ZNF112: variants seen among roughly 807,000 people sequenced by gnomAD.
ZNF112 encodes zinc finger protein 112, also known as zinc finger protein 112 (Y14).
In ZNF112, 37 loss-of-function variants were observed where a neutral mutation model predicts 77.7. The observed-to-expected ratio is 0.48, with a 90% confidence interval of 0.37 to 0.63. ZNF112 has a LOEUF of 0.63. ZNF112 is among the 20% of genes least tolerant of loss of function. The pLI, the probability that ZNF112 is intolerant of heterozygous loss-of-function variation, is 0.00. For synonymous variants in ZNF112, 333 were observed against 363.6 expected, an observed-to-expected ratio of 0.92 and a Z score of 0.96; for missense variants, 950 against 1,077.4, an observed-to-expected ratio of 0.88 and a Z score of 1.66.
At chr19:44,339,485 T>C (rs978419130) in intron 2 of ZNF112, among the ~76,000 whole-genome samples, 3 of 152,168 alleles carry the variant, frequency 2.0e-5, no homozygotes, top group African/African-American at 7.2e-5. Flanking sequence ...ACACCAAGGC[T>C]CAAATGAGCC....
intron 1 of ZNF112, chr19:44,343,312 C>T (rs1035632969): frequency 2.5e-6 from 4 of 1,594,898 alleles, no homozygotes; most frequent in African/African-American, 1.3e-5. Context: ...CCTGAGAAGG[C>T]AGAACAGGGT....
At chr19:44,334,492 C>A (rs1970328997) in intron 3 of ZNF112, among the ~76,000 whole-genome samples, 1 of 152,170 alleles carries the variant, frequency 6.6e-6, no homozygotes. Context: ...ATGTTAATAG[C>A]CAAGAAAATG....
Position 44,329,142 on chromosome 19 carries a change from G to T in ZNF112, c.1015C>A (p.Pro339Thr). 6.2e-7 allele frequency: 1 copy of T among 1,613,794 alleles called. No individual in the cohort carries two copies. Residue 339 changes from proline to threonine, a missense_variant, in exon 4 of 4, where the codon CCT (proline) becomes ACT (threonine). By Grantham distance (38) the Pro-to-Thr change is conservative. Transcript: ENST00000354340. The part of the protein sequence containing the change: ...EYGENFNHCS[P>T]LNTYELIHTG... ...TGGATAAGTTCATAAGTGTTAAGAG[G>T]GGAACAGTGATTGAAGTTCTCACCA...
In ZNF112 at chr19:44,328,757, C is replaced by A. The variant is rs774497486; in HGVS notation, c.1400G>T (p.Arg467Leu). Residue 467 changes from arginine (R) to leucine (L), a missense_variant, in exon 4 of 4, where the codon CGC becomes CTC. Around this residue, in one of 3 missense-constraint regions of ZNF112, gnomAD observed 560 missense variants for 557.3 expected, o/e 1.00. Transcript: ENST00000354340. ...GCTGAAGCTGTTACTACACACATAG[C>A]GTTTATATGGTTGTTCCTTAGTGTG... ...IVHTKEQPYKRYVCSNSFSHN... is the reference protein window; with the variant it reads ...IVHTKEQPYKLYVCSNSFSHN... 1 of 1,613,972 alleles carries A rather than the reference C, an allele frequency of 6.2e-7. No individual in the cohort carries two copies. The highest frequency in any genetic ancestry group is 2.2e-5 in the East Asian group (1 of 44,876).
upstream of ZNF112, among the ~76,000 whole-genome samples, chr19:44,360,168 A>C (rs1250600141): frequency 6.6e-6 from 1 of 151,784 alleles, no homozygotes; most frequent in Non-Finnish European, 1.5e-5. Context: ...AGGTGGGAGA[A>C]TCGCTTGAAC....
intron 1 of ZNF112, among the ~76,000 whole-genome samples, chr19:44,346,120 C>G (rs73555189): frequency 0.068 from 10,284 of 152,230 alleles, 451 homozygotes; most frequent in African/African-American, 0.12. Flanking sequence ...TTCGCTGAAG[C>G]CTCATTAGCT....
chr19:44,356,757 G>A (rs1429722085), upstream of ZNF112: 1 of 151,948 alleles, frequency 6.6e-6, no homozygotes, highest in Non-Finnish European at 1.5e-5. Flanking sequence ...CTCCTAGAGC[G>A]GAAGTTACCC....
At chr19:44,353,380 A>G (rs188065937) in intron 1 of ZNF112, among the ~76,000 whole-genome samples, 2 of 152,224 alleles carry the variant, frequency 1.3e-5, no homozygotes, top group African/African-American at 4.8e-5. Context: ...AAAAAAGATA[A>G]CATTGATAAA....
chr19:44,361,703 GGT>G (rs2123228479), intron 1 of ZNF112, among the ~76,000 whole-genome samples: 1 of 152,280 alleles, frequency 6.6e-6, no homozygotes, highest in Admixed American at 6.5e-5. Context: ...GATACAGTAT[GGT>G]TGATATAGGA....
intron 2 of ZNF112, among the ~76,000 whole-genome samples, chr19:44,337,255 C>T (rs1407027082): frequency 1.5e-5 from 2 of 137,308 alleles, no homozygotes; most frequent in African/African-American, 2.7e-5. Flanking sequence ...TTATATATTA[C>T]ATATATTTTT....
intron 1 of ZNF112, among the ~76,000 whole-genome samples, chr19:44,344,369 G>A (rs561364471): frequency 6.4e-4 from 97 of 152,218 alleles, no homozygotes; most frequent in African/African-American, 2.2e-3. Flanking sequence ...CTGTGGAAGA[G>A]AAAGAACTGA....
In ZNF112 at chr19:44,330,489, A is replaced by G. The variant is rs147275540; in HGVS notation, c.221-553T>C. On this transcript the variant is annotated intron_variant, in intron 3 of 3. Transcript: ENST00000354340. ...GGTGGCTCATGCCTGTAACCCTAGCACTTTGGGAGGCCAAGTCGGGTGGAT... is the reference window on the plus strand; with the variant it reads ...GGTGGCTCATGCCTGTAACCCTAGCGCTTTGGGAGGCCAAGTCGGGTGGAT... 2.1e-4 allele frequency among the ~76,000 whole-genome samples: 32 copies of G among 152,288 alleles called. No homozygotes were observed. The East Asian group carries it at 3.9e-3, about 18-fold the overall frequency.
upstream of ZNF112, among the ~76,000 whole-genome samples, chr19:44,358,414 AC>A (rs1355060299): frequency 1.3e-5 from 2 of 152,170 alleles, no homozygotes; most frequent in African/African-American, 4.8e-5. Context: ...AGATGAGCAA[AC>A]TTTTTAAATG....
intron 1 of ZNF112, among the ~76,000 whole-genome samples, chr19:44,355,127 T>C (rs1970763379): frequency 1.3e-5 from 2 of 152,008 alleles, no homozygotes; most frequent in Admixed American, 1.3e-4. Context: ...AGGTTGAAGC[T>C]GGGTGACGCT....
intron 1 of ZNF112, among the ~76,000 whole-genome samples, chr19:44,348,158 G>C (rs1038841101): frequency 1.1e-4 from 17 of 152,162 alleles, no homozygotes; most frequent in African/African-American, 3.9e-4. Context: ...GTTTGATTAT[G>C]ATGTATCCAG....
Position 44,327,017 on chromosome 19 carries a change from T to C in ZNF112, c.*416A>G, listed in dbSNP as rs959943583. 1 of 156,006 alleles carries C rather than the reference T, an allele frequency of 6.4e-6. No individual in the cohort carries two copies. The highest frequency in any genetic ancestry group is 2.4e-5 in the African/African-American group (1 of 41,566). The allele number at this position is 156,006 out of a possible 1,614,324, so 9.7% of individuals were successfully genotyped here. A position where few individuals can be genotyped will look rare whatever the true frequency, so the allele number is the denominator to read the frequency against. ...CATTTTAAGTTTTAAAAAATGCGCT[T>C]AAAAATTTCAAACCTTTTACCTTTA... On this transcript the variant is annotated 3_prime_UTR_variant, in exon 4 of 4. Transcript: ENST00000354340.
chr19:44,340,583 G>A, intron 1 of ZNF112, 41 bp from the exon 2 acceptor site: 2 of 1,612,972 alleles, frequency 1.2e-6, no homozygotes, highest in Non-Finnish European at 8.5e-7. Context: ...TACAGAAGAA[G>A]GGCAGTGCTG....
intron 1 of ZNF112, among the ~76,000 whole-genome samples, chr19:44,341,650 T>C (rs1042860151): frequency 1.3e-5 from 2 of 152,368 alleles, no homozygotes; most frequent in South Asian, 4.1e-4. Context: ...ATAAAGTTCA[T>C]TCTCTTTACA....
chr19:44,327,905 C>G lies in ZNF112; in HGVS notation c.2252G>C (p.Gly751Ala). ...TTCAAGGCGCGAACTCTGACTAAAG[C>G]CCTTCCCACACATCTCACATTTATA... Reference protein sequence around the residue: ...KPYKCEMCGKGFSQSSRLEAH... With the variant: ...KPYKCEMCGKAFSQSSRLEAH... The change falls in exon 4 of 4, where the codon GGC becomes GCC. Residue 751 changes from glycine (G) to alanine (A), a missense_variant. Physicochemically the swap from Gly to Ala is moderately conservative, Grantham distance 60 (BLOSUM62 0). Coordinates refer to ENST00000354340, the MANE Select transcript of ZNF112 (RefSeq NM_013380.4). 1.2e-6 allele frequency: 2 copies of G among 1,613,980 alleles called. No individual in the cohort carries two copies. The highest frequency in any genetic ancestry group is 2.2e-5 in the South Asian group (2 of 91,082).
Sources: gnomAD v4.1 joint callset for allele counts (sites outside exome capture counted in the v4.1 genomes callset) on GRCh38, gnomAD v4.1.1 for gene constraint, gnomAD v4.1.1 regional missense constraint, MANE v1.5 for transcripts, NCBI Gene and HGNC (gene_info 2026-07-23, HGNC 2026-07-21) for gene names.